FLII: variants seen among roughly 807,000 people sequenced by gnomAD.
FLII encodes the protein protein flightless-1 homolog.
In FLII, 101 loss-of-function variants were observed where a neutral mutation model predicts 156.2. The ratio of observed to expected loss-of-function variants is 0.65; its 90% CI spans 0.55 to 0.76. The LOEUF (loss-of-function observed/expected upper bound fraction) is 0.76, where lower values mean the gene tolerates loss of function less well. FLII is among the 30% of genes least tolerant of loss of function. The probability of loss-of-function intolerance (pLI) is 0.00; values close to 1 mark genes in which losing one functional copy is unlikely to be tolerated. For missense variants in FLII, 1,675 were observed against 1,682.8 expected (o/e 1.00, Z 0.08); for synonymous variants, 767 against 685.8 (o/e 1.12, Z -1.85).
Position 18,249,452 on chromosome 17 carries a change from T to A in FLII, c.1777-44A>T, listed in dbSNP as rs181410519. 6.4e-4 allele frequency: 967 copies of A among 1,501,028 alleles called. 6 individuals carry two copies. The African/African-American group carries it at 0.012, about 18-fold the overall frequency. 93.0% of individuals were successfully genotyped at this position (1,501,028 alleles called of 1,614,324 possible). A position where few individuals can be genotyped will look rare whatever the true frequency, so the allele number is the denominator to read the frequency against. Reference sequence around the variant, plus strand: ...GGTTCTTCATCACTGAGCTGCCCCCTCCCCCACCAACCACTGCCCCTCAGG... The same window carrying A: ...GGTTCTTCATCACTGAGCTGCCCCCACCCCCACCAACCACTGCCCCTCAGG... On this transcript the variant is annotated intron_variant, in intron 14 of 29. Transcript: ENST00000327031.
At position 18,245,347 on chromosome 17, in the gene FLII, A is replaced by C. The variant is rs374226495; in HGVS notation, c.3675+7T>G. 8.6e-4 allele frequency: 1,383 copies of C among 1,614,008 alleles called. 6 individuals are homozygous for C. The highest frequency in any genetic ancestry group is 8.4e-4 in the Non-Finnish European group (997 of 1,179,998). On this transcript the variant is annotated splice_region_variant and intron_variant, in intron 29 of 29. Coordinates refer to ENST00000327031, the MANE Select transcript of FLII (RefSeq NM_002018.4). Reference sequence around the variant, plus strand: ...GCCCACCTCGGCCCTCCCTCCACCCAGATTACCTGGCAGGCCTTCAGGCTC... The same window carrying C: ...GCCCACCTCGGCCCTCCCTCCACCCCGATTACCTGGCAGGCCTTCAGGCTC...
At position 18,252,963 on chromosome 17, in the gene FLII, C is replaced by A. The variant is rs2048313798; in HGVS notation, c.1013+338G>T. Among the ~76,000 whole-genome samples the A allele has an allele frequency of 2.0e-5, 3 of 152,224 alleles. No individual in the cohort carries two copies. The South Asian group carries it at 6.2e-4, about 32-fold the overall frequency. On this transcript the variant is annotated intron_variant, in intron 9 of 29. Coordinates refer to ENST00000327031, the MANE Select transcript of FLII (RefSeq NM_002018.4). ...GACAGGCATTCAAGACCAGCCTGGCCAACATGGTGAGACCCCATCTCTACT... is the reference window on the plus strand; with the variant it reads ...GACAGGCATTCAAGACCAGCCTGGCAAACATGGTGAGACCCCATCTCTACT...
intron 17 of FLII, 25 bp downstream of exon 17, chr17:18,248,775 A>C (rs750347661): frequency 6.8e-6 from 11 of 1,613,862 alleles, no homozygotes; most frequent in Non-Finnish European, 8.5e-6. Context: ...TCCTTCACAC[A>C]AAAGACCCCA....
In FLII at chr17:18,258,620, C is replaced by A; in HGVS notation, c.63+8G>T. The A allele has an allele frequency of 6.4e-7, 1 of 1,555,840 alleles. No homozygotes were observed. Among genetic ancestry groups the A allele is most frequent in the Non-Finnish European group, 8.6e-7 (1 of 1,160,752 alleles). ...AGGGAGGCCCGGCACGCGCCCGGCC[C>A]GGCTCACCTTGAAGTCGTTGCCGCT... is the stretch of plus-strand genomic sequence containing the variant. On this transcript the variant is annotated splice_region_variant and intron_variant, in intron 1 of 29. Transcript: ENST00000327031. This position sits in a 1 kb window ranked among gnomAD's most constrained non-coding sequence, Gnocchi z 4.2.
At chr17:18,247,139 C>CT (rs770168709) in intron 21 of FLII, 30 bp downstream of exon 21, 287 of 1,305,608 alleles carry the variant, frequency 2.2e-4, no homozygotes, top group Non-Finnish European at 2.8e-4. Context: ...CACCCCCCCC[C>CT]CCGCGCCCCG....
At position 18,251,763 on chromosome 17, in the gene FLII, T is replaced by C. The variant is rs778915121; in HGVS notation, c.1300A>G (p.Lys434Glu). Reference sequence around the variant, plus strand: ...GCCTGGTCATCCTGGGCTGAATCCTTGCGCCTCCGCAGTCGCATCTTGCGA... The same window carrying C: ...GCCTGGTCATCCTGGGCTGAATCCTCGCGCCTCCGCAGTCGCATCTTGCGA... ...MARKMRLRRR[K>E]DSAQDDQAKQ... is the part of the protein sequence containing the mutation. The change falls in exon 12 of 30, where the codon AAG (lysine) becomes GAG (glutamate). Residue 434 changes from lysine (K) to glutamate (E), a missense_variant. This residue lies in a region of FLII where 1,332 missense variants were observed against 1,269.3 expected (regional missense o/e 1.05). Coordinates refer to ENST00000327031, the MANE Select transcript of FLII (RefSeq NM_002018.4). 6.2e-7 allele frequency: 1 copy of C among 1,613,910 alleles called. No homozygotes were observed. The highest frequency in any genetic ancestry group is 1.7e-5 in the Admixed American group (1 of 60,032).
chr17:18,246,407 C>T lies in FLII; in HGVS notation c.3107G>A (p.Arg1036Lys), dbSNP rs1278240960. The T allele has an allele frequency of 6.2e-7, 1 of 1,613,930 alleles. No homozygotes were observed. Among genetic ancestry groups the T allele is most frequent in the African/African-American group, 1.3e-5 (1 of 74,922 alleles). The change falls in exon 24 of 30, where the codon AGG becomes AAG. Residue 1036 changes from arginine to lysine, a missense_variant. By Grantham distance (26) the Arg-to-Lys change is conservative. Around this residue, in one of 2 missense-constraint regions of FLII, gnomAD observed 1,332 missense variants for 1,269.3 expected, o/e 1.05. Coordinates refer to ENST00000327031, the MANE Select transcript of FLII (RefSeq NM_002018.4). ...ENPKFLSHFKRKFIIHRGKRK... is the reference protein window; with the variant it reads ...ENPKFLSHFKKKFIIHRGKRK... ...CTTGCCCCGGTGGATGATGAACTTC[C>T]TCTTGAAATGGGACAGGAACTTGGG...
At chr17:18,254,035 C>T in intron 7 of FLII, 44 bp downstream of exon 7, 1 of 1,487,380 alleles carries the variant, frequency 6.7e-7, no homozygotes. Context: ...GCAAGAGGGC[C>T]CAGAGGGGGC....
At position 18,246,974 on chromosome 17, in the gene FLII, G is replaced by T. The variant is rs77821722; in HGVS notation, c.2755C>A (p.Arg919=). 14 of 1,613,998 alleles carry T rather than the reference G, an allele frequency of 8.7e-6. No homozygotes were observed. The highest frequency in any genetic ancestry group is 1.2e-5 in the Non-Finnish European group (14 of 1,180,018). ...GFVLEGKKFA[R]LPEEEFGHFY... Reference sequence around the variant, plus strand: ...TGGCCAAACTCCTCTTCCGGCAGCCGCGCAAACTTCTTGCCCTCCAGCACG... The same window carrying T: ...TGGCCAAACTCCTCTTCCGGCAGCCTCGCAAACTTCTTGCCCTCCAGCACG... Residue 919 remains arginine (R), a synonymous_variant, in exon 22 of 30, where the codon CGG becomes AGG. Transcript: ENST00000327031.
intron 2 of FLII, 152 bp from the exon 3 acceptor site, chr17:18,256,749 C>T: frequency 2.5e-6 from 2 of 795,940 alleles, no homozygotes; most frequent in Non-Finnish European, 4.2e-6. Context: ...CCGGCCTCTT[C>T]TTGCACACCT....
At position 18,246,967 on chromosome 17, in the gene FLII, G is replaced by C. The variant is rs773078655; in HGVS notation, c.2762C>G (p.Pro921Arg). The change falls in exon 22 of 30, where the codon CCG becomes CGG. Residue 921 changes from proline to arginine, a missense_variant. This residue lies in a region of FLII where 1,332 missense variants were observed against 1,269.3 expected (regional missense o/e 1.05). Transcript: ENST00000327031. The stretch of plus-strand genomic sequence containing the variant: ...GTAGAAGTGGCCAAACTCCTCTTCC[G>C]GCAGCCGCGCAAACTTCTTGCCCTC... ...VLEGKKFARL[P>R]EEEFGHFYTQ... 6.2e-7 allele frequency: 1 copy of C among 1,614,048 alleles called. No homozygotes were observed. The highest frequency in any genetic ancestry group is 1.3e-5 in the African/African-American group (1 of 75,010).
chr17:18,256,813 G>A (rs2048432926), intron 2 of FLII, 96 bp downstream of exon 2: 1 of 870,206 alleles, frequency 1.1e-6, no homozygotes, highest in Non-Finnish European at 1.8e-6. Context: ...AGCTGTCGGT[G>A]TTCCTCTCTC....
At position 18,252,155 on chromosome 17, in the gene FLII, T is replaced by A. The variant is rs374429255; in HGVS notation, c.1099-9A>T. On this transcript the variant is annotated splice_polypyrimidine_tract_variant and intron_variant, in intron 10 of 29. Coordinates refer to ENST00000327031, the MANE Select transcript of FLII (RefSeq NM_002018.4). ...TCCCGCACATCCAGGACCTGCCCCA[T>A]AGGGTGAGCAGAGCCGGCACTGAGC... The A allele has an allele frequency of 1.9e-6, 3 of 1,612,260 alleles. No homozygotes were observed. The South Asian group carries it at 3.3e-5, about 18-fold the overall frequency.
At position 18,248,046 on chromosome 17, in the gene FLII, A is replaced by T; in HGVS notation, c.2191-13T>A. 1.3e-6 allele frequency: 2 copies of T among 1,588,892 alleles called. No homozygotes were observed. The highest frequency in any genetic ancestry group is 1.7e-6 in the Non-Finnish European group (2 of 1,158,066). ...AGCCCAGGCCCACCTGGCAGGAAGG[A>T]TGAGCATGGCAGGGAAGGGATCTGG... On this transcript the variant is annotated splice_polypyrimidine_tract_variant and intron_variant, in intron 18 of 29. Transcript: ENST00000327031.
rs755083673 is a variant in FLII, at chr17:18,250,860, T to C, written c.1754A>G (p.Asp585Gly). 28 of 1,613,450 alleles carry C rather than the reference T, an allele frequency of 1.7e-5. No homozygotes were observed. Among genetic ancestry groups the C allele is most frequent in the Non-Finnish European group, 1.4e-5 (16 of 1,179,656 alleles). Residue 585 changes from aspartate (D) to glycine (G), a missense_variant, in exon 14 of 30, where the codon GAT becomes GGT. Transcript: ENST00000327031. ...ECRTVREEMG[D>G]ESEEFLQVFD... ...CACCTGCAGGAACTCCTCGCTCTCATCGCCCATCTCCTCCCGGACAGTGCG... is the reference window on the plus strand; with the variant it reads ...CACCTGCAGGAACTCCTCGCTCTCACCGCCCATCTCCTCCCGGACAGTGCG...
intron 7 of FLII, 40 bp from the exon 8 acceptor site, chr17:18,253,759 AC>A: frequency 6.5e-7 from 1 of 1,538,538 alleles, no homozygotes. Flanking sequence ...GGGCCCATAC[AC>A]CAGGTGCCAG....
chr17:18,252,143 G>T lies in FLII; in HGVS notation c.1102C>A (p.Leu368Met). The T allele has an allele frequency of 6.2e-7, 1 of 1,613,166 alleles. No homozygotes were observed. Among genetic ancestry groups the T allele is most frequent in the Non-Finnish European group, 8.5e-7 (1 of 1,179,958 alleles). ...AIHFLTEIEV[L>M]DVRENPNLVM... ...AGGTTGGGGTTCTCCCGCACATCCA[G>T]GACCTGCCCCATAGGGTGAGCAGAG... The change falls in exon 11 of 30, where the codon CTG becomes ATG. Residue 368 changes from leucine to methionine, a missense_variant. Around this residue, in one of 2 missense-constraint regions of FLII, gnomAD observed 1,332 missense variants for 1,269.3 expected, o/e 1.05. Coordinates refer to ENST00000327031, the MANE Select transcript of FLII (RefSeq NM_002018.4).
At position 18,246,235 on chromosome 17, in the gene FLII, T is replaced by A; in HGVS notation, c.3207-13A>T. 7 of 1,613,842 alleles carry A rather than the reference T, an allele frequency of 4.3e-6. No individual in the cohort carries two copies. Among genetic ancestry groups the A allele is most frequent in the Non-Finnish European group, 5.9e-6 (7 of 1,179,936 alleles). On this transcript the variant is annotated splice_polypyrimidine_tract_variant and intron_variant, in intron 24 of 29. Coordinates refer to ENST00000327031, the MANE Select transcript of FLII (RefSeq NM_002018.4). ...GATCTGGATGCACCTGTGGAAGGGA[T>A]GGGGCATCAGCAAGGATTCAGGCCT...
chr17:18,246,964 TC>T lies in FLII; in HGVS notation c.2764del (p.Glu922LysfsTer100). On this transcript the variant is annotated frameshift_variant, in exon 22 of 30. Transcript: ENST00000327031. LOFTEE classifies it high-confidence loss of function. ...CGTGTAGAAGTGGCCAAACTCCTCTTCCGGCAGCCGCGCAAACTTCTTGCCC... is the reference window on the plus strand; with the variant it reads ...CGTGTAGAAGTGGCCAAACTCCTCTTCGGCAGCCGCGCAAACTTCTTGCCC... ...LEGKKFARLP[E>X]EEFGHFYTQD... is the part of the protein sequence containing the mutation. 6.2e-7 allele frequency: 1 copy of T among 1,614,102 alleles called. No individual in the cohort carries two copies. The highest frequency in any genetic ancestry group is 1.1e-5 in the South Asian group (1 of 91,082).
Sources: gnomAD v4.1 joint callset for allele counts (sites outside exome capture counted in the v4.1 genomes callset) on GRCh38, gnomAD v4.1.1 for gene constraint, gnomAD v4.1.1 regional missense constraint, Gnocchi (gnomAD v3.1) non-coding constraint, MANE v1.5 for transcripts, NCBI Gene and HGNC (gene_info 2026-07-23, HGNC 2026-07-21) for gene names.